The following WIPI2 variants were observed in gnomAD, a reference collection of about 807,000 sequenced individuals.
WIPI2 encodes WD repeat domain phosphoinositide-interacting protein 2.
Under a neutral mutation model 52.3 loss-of-function variants are expected in WIPI2, and 28 were observed. The observed-to-expected ratio is 0.54, with a 90% CI of 0.40 to 0.73. WIPI2 has a LOEUF of 0.73. Ranked by LOEUF, WIPI2 falls within the 30% of genes least tolerant of loss-of-function variation. WIPI2 has a pLI of 0.00. For missense variants in WIPI2, 506 were observed against 602.9 expected (o/e 0.84, Z 1.68); for synonymous variants, 268 against 245.0 (o/e 1.09, Z -0.88).
intron 1 of WIPI2, 105 bp downstream of exon 1, chr7:5,190,598 C>G: frequency 8.4e-7 from 1 of 1,188,744 alleles, no homozygotes; most frequent in South Asian, 2.5e-5. Context: ...GCTCGGCCTC[C>G]CCGCGGGCCA....
At chr7:5,197,264 T>C (rs577553678) in intron 2 of WIPI2, among the ~76,000 whole-genome samples, 20 of 152,130 alleles carry the variant, frequency 1.3e-4, no homozygotes, top group Non-Finnish European at 2.2e-4. Context: ...GTATACAATT[T>C]AAGAACAATT....
intron 3 of WIPI2, among the ~76,000 whole-genome samples, chr7:5,204,367 T>C (rs1782191036): frequency 6.6e-6 from 1 of 152,082 alleles, no homozygotes. Flanking sequence ...CTCTGCAGGC[T>C]GAGGTAGGAG....
At position 5,232,813 on chromosome 7, in the gene WIPI2, C is replaced by G. The variant is rs1783789534; in HGVS notation, c.*1866C>G. The G allele has an allele frequency of 6.5e-6, 1 of 153,780 alleles. No homozygotes were observed. The highest frequency in any genetic ancestry group is 2.4e-5 in the African/African-American group (1 of 41,544). 9.5% of individuals were successfully genotyped at this position (153,780 alleles called of 1,614,324 possible). A position where few individuals can be genotyped will look rare whatever the true frequency, so the allele number is the denominator to read the frequency against. On this transcript the variant is annotated 3_prime_UTR_variant, in exon 13 of 13. Transcript: ENST00000288828. Reference sequence around the variant, plus strand: ...TGTCACCAAAGAGTGAGCTGCATTTCCAGTTCTGCGTTAAAGTATCGTTTG... The same window carrying G: ...TGTCACCAAAGAGTGAGCTGCATTTGCAGTTCTGCGTTAAAGTATCGTTTG...
Position 5,190,275 on chromosome 7 carries a change from C to G in WIPI2, c.-145C>G, listed in dbSNP as rs1004976394. The G allele has an allele frequency of 7.6e-6, 3 of 394,978 alleles. No individual in the cohort carries two copies. Among genetic ancestry groups the G allele is most frequent in the East Asian group, 5.3e-5 (1 of 18,718 alleles). The allele number at this position is 394,978 out of a possible 1,614,324, so 24.5% of individuals were successfully genotyped here. On this transcript the variant is annotated 5_prime_UTR_variant, in exon 1 of 13. Coordinates refer to ENST00000288828, the MANE Select transcript of WIPI2 (RefSeq NM_015610.4). ...TCTGGAGCATAAACAAGAGCGGGGACGGGATGAGGCGGCGGTTGATCCCAG... is the reference window on the plus strand; with the variant it reads ...TCTGGAGCATAAACAAGAGCGGGGAGGGGATGAGGCGGCGGTTGATCCCAG...
chr7:5,230,799 C>T lies in WIPI2; in HGVS notation c.1253-36C>T, dbSNP rs1783691023. 6.4e-7 allele frequency: 1 copy of T among 1,570,296 alleles called. No homozygotes were observed. The highest frequency in any genetic ancestry group is 1.4e-5 in the African/African-American group (1 of 73,938). On this transcript the variant is annotated intron_variant, in intron 12 of 12. Transcript: ENST00000288828. The surrounding 1 kb of genome is among the most constrained non-coding windows in gnomAD (Gnocchi z 4.8). ...TGTCATGGGGTCTGTGGTGTGTCCC[C>T]AGCCTTTGAAGGGTGACTTCGTCGT...
At chr7:5,221,951 AT>A (rs200325811) in intron 7 of WIPI2, among the ~76,000 whole-genome samples, 138 of 101,142 alleles carry the variant, frequency 1.4e-3, no homozygotes, top group Admixed American at 2.4e-3. Flanking sequence ...CCAGGCTTTT[AT>A]TTTTTTTTTT....
chr7:5,211,712 G>T (rs551390742), intron 3 of WIPI2, among the ~76,000 whole-genome samples: 12 of 152,264 alleles, frequency 7.9e-5, no homozygotes, highest in Admixed American at 7.9e-4. Flanking sequence ...CCAGTTTTGT[G>T]TATACCAGGT....
chr7:5,220,288 T>A (rs1004897167), intron 7 of WIPI2, among the ~76,000 whole-genome samples: 2 of 150,432 alleles, frequency 1.3e-5, no homozygotes, highest in Non-Finnish European at 2.9e-5. Context: ...TCCCCCAGGC[T>A]GGAGTGCAGT....
intron 11 of WIPI2, 179 bp from the exon 12 acceptor site, chr7:5,229,429 C>G: frequency 3.2e-6 from 2 of 622,492 alleles, no homozygotes; most frequent in South Asian, 4.4e-5. Context: ...CCATGTAAAA[C>G]TCTTCATGTA....
chr7:5,191,171 C>T (rs977491710), intron 1 of WIPI2, among the ~76,000 whole-genome samples: 1 of 152,070 alleles, frequency 6.6e-6, no homozygotes, highest in African/African-American at 2.4e-5. Flanking sequence ...AGGCACGCGC[C>T]ACTGTGCCCA....
At chr7:5,219,955 C>T (rs1783022202) in intron 7 of WIPI2, among the ~76,000 whole-genome samples, 2 of 151,746 alleles carry the variant, frequency 1.3e-5, no homozygotes, top group South Asian at 2.1e-4. Context: ...CCTACTTCAG[C>T]CTCCCAAGTA....
chr7:5,192,090 C>T (rs915575053), intron 1 of WIPI2, among the ~76,000 whole-genome samples: 1 of 152,060 alleles, frequency 6.6e-6, no homozygotes, highest in East Asian at 1.9e-4. Flanking sequence ...ATTCTGAAGA[C>T]AGTGAATTTA....
At chr7:5,198,795 G>C (rs1350852559) in intron 2 of WIPI2, among the ~76,000 whole-genome samples, 2 of 152,084 alleles carry the variant, frequency 1.3e-5, no homozygotes, top group Non-Finnish European at 2.9e-5. Flanking sequence ...CTTTATTGTG[G>C]TGTAATTAAA....
chr7:5,196,316 T>C (rs1483728431), intron 2 of WIPI2, among the ~76,000 whole-genome samples: 2 of 152,090 alleles, frequency 1.3e-5, no homozygotes, highest in Non-Finnish European at 2.9e-5. Context: ...GCCATTGCAC[T>C]CCAGCCTGGG....
At chr7:5,219,375 C>G (rs894007339) in intron 7 of WIPI2, among the ~76,000 whole-genome samples, 7 of 152,210 alleles carry the variant, frequency 4.6e-5, no homozygotes, top group Non-Finnish European at 5.9e-5. Context: ...TAATCAAAGT[C>G]TCACTGTTAA....
chr7:5,228,970 G>C (rs1783582098), intron 11 of WIPI2, among the ~76,000 whole-genome samples: 1 of 152,004 alleles, frequency 6.6e-6, no homozygotes, highest in African/African-American at 2.4e-5. Flanking sequence ...CTCCTGCCTT[G>C]GCCTCCCCAA....
chr7:5,220,052 T>C (rs186769524), intron 7 of WIPI2, among the ~76,000 whole-genome samples: 4 of 152,096 alleles, frequency 2.6e-5, no homozygotes, highest in Non-Finnish European at 4.4e-5. Flanking sequence ...GCCAGGCTGG[T>C]TTCAAACTCC....
intron 6 of WIPI2, chr7:5,217,593 G>T (rs1261038724): frequency 2.4e-6 from 1 of 420,652 alleles, no homozygotes; most frequent in African/African-American, 2.0e-5. Flanking sequence ...CCCGCGCCCA[G>T]CCCCACTGCT....
At chr7:5,225,353 G>C (rs1783376139) in intron 8 of WIPI2, among the ~76,000 whole-genome samples, 1 of 152,112 alleles carries the variant, frequency 6.6e-6, no homozygotes. Context: ...ATGTTGGCCA[G>C]GATGGTCTCG....
Sources: allele counts gnomAD v4.1 joint callset (sites outside exome capture counted in the v4.1 genomes callset), GRCh38; gene constraint gnomAD v4.1.1; non-coding constraint Gnocchi (gnomAD v3.1); transcripts MANE v1.5; gene names NCBI Gene and HGNC (gene_info 2026-07-23, HGNC 2026-07-21).